Variants in AKAIN1 observed in about 807,000 individuals in gnomAD.
The protein encoded by AKAIN1 is A-kinase anchor protein inhibitor 1.
In AKAIN1, 3 loss-of-function variants were observed where a neutral mutation model predicts 3.7. The observed-to-expected ratio is 0.82, with a 90% CI of 0.37 to 2.12. The LOEUF (loss-of-function observed/expected upper bound fraction) is 2.12, where lower values mean the gene tolerates loss of function less well. Among genes scored for constraint, AKAIN1 ranks in the 30% most tolerant of loss-of-function variants. The pLI, the probability that AKAIN1 is intolerant of heterozygous loss-of-function variation, is 0.06. For missense variants in AKAIN1, 82 were observed against 82.7 expected, an observed-to-expected ratio of 0.99 and a Z score of 0.03; for synonymous variants, 31 against 30.8, an observed-to-expected ratio of 1.01 and a Z score of -0.02.
chr18:5,155,050 G>A (rs773365658), intron 1 of AKAIN1, among the ~76,000 whole-genome samples: 4 of 152,108 alleles, frequency 2.6e-5, no homozygotes, highest in South Asian at 2.1e-4. Flanking sequence ...TGGCGAAGGA[G>A]GAGGTATAAC....
intron 1 of AKAIN1, among the ~76,000 whole-genome samples, chr18:5,176,623 G>A (rs2071228491): frequency 1.3e-5 from 2 of 152,112 alleles, no homozygotes. Context: ...AATGTTTGGT[G>A]TTTTTCTGTC....
intron 1 of AKAIN1, among the ~76,000 whole-genome samples, chr18:5,151,083 A>T (rs772532827): frequency 1.3e-5 from 2 of 152,088 alleles, no homozygotes; most frequent in Non-Finnish European, 2.9e-5. Flanking sequence ...TAAGTATGCA[A>T]ATTACAGAAG....
At chr18:5,156,157 G>C (rs147250610) in intron 1 of AKAIN1, among the ~76,000 whole-genome samples, 3 of 152,002 alleles carry the variant, frequency 2.0e-5, no homozygotes, top group Non-Finnish European at 4.4e-5. Flanking sequence ...CTCAGTTCCC[G>C]GGCATGGTGA....
At chr18:5,190,272 A>G (rs2071311519) in intron 1 of AKAIN1, among the ~76,000 whole-genome samples, 1 of 152,210 alleles carries the variant, frequency 6.6e-6, no homozygotes, top group Admixed American at 6.5e-5. Context: ...AATGGCAACT[A>G]AATTTCAACA....
In AKAIN1 at chr18:5,192,564, G is replaced by A. The variant is rs149521032; in HGVS notation, c.16+4474C>T. Among the ~76,000 whole-genome samples the A allele has an allele frequency of 5.5e-3, 836 of 152,046 alleles. 8 individuals are homozygous for A. The highest frequency in any genetic ancestry group is 0.019 in the African/African-American group (775 of 41,440). On this transcript the variant is annotated intron_variant, in intron 1 of 1. Coordinates refer to ENST00000434239, the MANE Select transcript of AKAIN1 (RefSeq NM_001145194.2). ...TACAGAAGGTGCTGTCTATGAGAAAGTGGGCCCTCTCCACACATCGAATCT... is the reference window on the plus strand; with the variant it reads ...TACAGAAGGTGCTGTCTATGAGAAAATGGGCCCTCTCCACACATCGAATCT...
intron 1 of AKAIN1, among the ~76,000 whole-genome samples, chr18:5,190,465 A>G (rs186877153): frequency 3.3e-5 from 5 of 152,342 alleles, no homozygotes; most frequent in African/African-American, 9.6e-5. Flanking sequence ...TTGAATTTAT[A>G]ATTAATGACC....
At chr18:5,162,731 TA>T (rs2071147070) in intron 1 of AKAIN1, among the ~76,000 whole-genome samples, 1 of 151,332 alleles carries the variant, frequency 6.6e-6, no homozygotes, top group African/African-American at 2.4e-5. Flanking sequence ...TTTCTCTTTA[TA>T]AAAAATAAAT....
intron 1 of AKAIN1, among the ~76,000 whole-genome samples, chr18:5,171,424 G>A (rs567812902): frequency 2.6e-5 from 4 of 152,000 alleles, no homozygotes; most frequent in Non-Finnish European, 5.9e-5. Context: ...GGAAGAAAAT[G>A]TTTGCAAACT....
intron 1 of AKAIN1, chr18:5,159,188 A>C (rs1358840543): frequency 6.6e-6 from 1 of 151,348 alleles, no homozygotes; most frequent in Non-Finnish European, 1.5e-5. Flanking sequence ...TTTTTTTTCC[A>C]GTGATATTTC....
chr18:5,170,881 A>G (rs1301363092), intron 1 of AKAIN1: 1 of 152,134 alleles, frequency 6.6e-6, no homozygotes, highest in East Asian at 1.9e-4. Flanking sequence ...TGGGGATGCC[A>G]CATGCAAGTG....
intron 1 of AKAIN1, among the ~76,000 whole-genome samples, chr18:5,149,397 G>A (rs2071067279): frequency 6.6e-6 from 1 of 152,152 alleles, no homozygotes; most frequent in Non-Finnish European, 1.5e-5. Flanking sequence ...CAGAGGGGAG[G>A]GGACCATGAA....
chr18:5,159,720 C>T (rs1008149426), intron 1 of AKAIN1, among the ~76,000 whole-genome samples: 1 of 152,128 alleles, frequency 6.6e-6, no homozygotes, highest in African/African-American at 2.4e-5. Context: ...CAGCCACAAA[C>T]TCTTCTAACA....
At chr18:5,185,217 T>C (rs1342153942) in intron 1 of AKAIN1, among the ~76,000 whole-genome samples, 2 of 152,170 alleles carry the variant, frequency 1.3e-5, no homozygotes, top group Admixed American at 6.6e-5. Context: ...AAGACTTATA[T>C]GTAAAACTTA....
At position 5,165,825 on chromosome 18, in the gene AKAIN1, C is replaced by T. The variant is rs190525378; in HGVS notation, c.17-20070G>A. Among the ~76,000 whole-genome samples, 282 of 152,132 alleles carry T rather than the reference C, an allele frequency of 1.9e-3. 3 individuals carry two copies. The East Asian group carries it at 0.021, about 12-fold the overall frequency. On this transcript the variant is annotated intron_variant, in intron 1 of 1. Transcript: ENST00000434239. Reference sequence around the variant, plus strand: ...AGGATCCTTCACACAGTTCTCTAAACGGCCATTGCCCACTGATTGCAGTGA... The same window carrying T: ...AGGATCCTTCACACAGTTCTCTAAATGGCCATTGCCCACTGATTGCAGTGA...
At chr18:5,162,473 C>A (rs2143332451) in intron 1 of AKAIN1, among the ~76,000 whole-genome samples, 1 of 152,124 alleles carries the variant, frequency 6.6e-6, no homozygotes, top group African/African-American at 2.4e-5. Context: ...AAATGTTCAC[C>A]AAAGGCACAG....
At chr18:5,192,398 T>TTTCC (rs1444341835) in intron 1 of AKAIN1, among the ~76,000 whole-genome samples, 1 of 106,426 alleles carries the variant, frequency 9.4e-6, no homozygotes, top group African/African-American at 3.4e-5. Flanking sequence ...TCTTTCTTTC[T>TTTCC]TTCTTTCTTT....
intron 1 of AKAIN1, among the ~76,000 whole-genome samples, chr18:5,148,217 T>A (rs2071060207): frequency 6.6e-6 from 1 of 152,194 alleles, no homozygotes; most frequent in Non-Finnish European, 1.5e-5. Flanking sequence ...AGAAATTCAT[T>A]GCTCTCTCGT....
chr18:5,171,734 T>C (rs1354360678), intron 1 of AKAIN1, among the ~76,000 whole-genome samples: 1 of 152,084 alleles, frequency 6.6e-6, no homozygotes, highest in African/African-American at 2.4e-5. Flanking sequence ...TTTGTACATA[T>C]TTGGTGGGAA....
chr18:5,182,712 T>C (rs1158940228), intron 1 of AKAIN1, among the ~76,000 whole-genome samples: 1 of 152,098 alleles, frequency 6.6e-6, no homozygotes, highest in African/African-American at 2.4e-5. Context: ...TTAATTAACA[T>C]AAATGCTTTC....
Sources: gnomAD v4.1 joint callset for allele counts (sites outside exome capture counted in the v4.1 genomes callset) on GRCh38, gnomAD v4.1.1 for gene constraint, MANE v1.5 for transcripts, NCBI Gene and HGNC (gene_info 2026-07-23, HGNC 2026-07-21) for gene names.